The following PUDP variants were observed in gnomAD, a reference collection of about 807,000 sequenced individuals.
The protein encoded by PUDP is pseudouridine 5'-phosphatase, also known as pseudouridine-5'-phosphatase.
PUDP carries 8 observed loss-of-function variants against 9.4 expected under a neutral mutation model. The observed-to-expected ratio is 0.85, with a 90% CI of 0.50 to 1.53. The LOEUF (loss-of-function observed/expected upper bound fraction) is 1.53. Among genes scored for constraint, PUDP ranks in the 40% most tolerant of loss-of-function variants. The pLI, the probability that PUDP is intolerant of heterozygous loss-of-function variation, is 0.00. For synonymous variants in PUDP, 99 were observed against 80.7 expected (o/e 1.23, Z -1.22); for missense variants, 188 against 189.7 (o/e 0.99, Z 0.05).
chrX:7,058,418 A>G (rs1255193053), intron 3 of PUDP, among the ~76,000 whole-genome samples: 3 of 112,377 alleles, frequency 2.7e-5, no homozygotes, highest in Non-Finnish European at 5.6e-5. Flanking sequence ...TTCATCAATT[A>G]TAAAGCCATG....
At chrX:6,879,072 G>T (rs1927307642) in intron 3 of PUDP, among the ~76,000 whole-genome samples, 1 of 111,560 alleles carries the variant, frequency 9.0e-6, no homozygotes, top group South Asian at 3.8e-4. Flanking sequence ...TAGCCTCCTA[G>T]ATGGAAAAGA....
At chrX:6,953,798 G>A (rs1302879594) in intron 3 of PUDP, among the ~76,000 whole-genome samples, 2 of 111,386 alleles carry the variant, frequency 1.8e-5, no homozygotes, top group African/African-American at 6.5e-5. Flanking sequence ...CCTCCAGAAA[G>A]CTCTTGTTGA....
chrX:7,131,932 C>T (rs1008822070), intron 1 of PUDP, among the ~76,000 whole-genome samples: 19 of 109,823 alleles, frequency 1.7e-4, no homozygotes, highest in African/African-American at 5.3e-4. Flanking sequence ...CTCCCCAACC[C>T]TTCCGGTGGC....
At chrX:6,733,846 C>T (rs929628662) in intron 3 of PUDP, among the ~76,000 whole-genome samples, 2 of 87,395 alleles carry the variant, frequency 2.3e-5, no homozygotes, top group African/African-American at 8.7e-5. Context: ...GACAGGATCT[C>T]GACTCACTGC....
intron 1 of PUDP, among the ~76,000 whole-genome samples, chrX:7,138,946 A>G (rs1295018031): frequency 1.8e-5 from 2 of 110,819 alleles, no homozygotes; most frequent in African/African-American, 3.3e-5. Flanking sequence ...ACAACAACAA[A>G]AAACGACTCT....
At chrX:7,054,210 A>G (rs1930176904) in intron 3 of PUDP, among the ~76,000 whole-genome samples, 1 of 111,312 alleles carries the variant, frequency 9.0e-6, no homozygotes, top group African/African-American at 3.3e-5. Context: ...GGAGTTCCAG[A>G]CCAGCCTGGC....
intron 3 of PUDP, among the ~76,000 whole-genome samples, chrX:7,073,065 C>T (rs185466209): frequency 2.7e-5 from 3 of 111,070 alleles, no homozygotes; most frequent in Non-Finnish European, 1.9e-5. Context: ...CCTCTACCCA[C>T]TGGGTCTCTG....
intron 2 of PUDP, among the ~76,000 whole-genome samples, chrX:7,088,709 T>C (rs1931336868): frequency 8.9e-6 from 1 of 112,460 alleles, no homozygotes; most frequent in Non-Finnish European, 1.9e-5. Flanking sequence ...ACAATTTACA[T>C]ACAAATTGCC....
intron 1 of PUDP, among the ~76,000 whole-genome samples, chrX:7,014,918 A>T (rs1017838089): frequency 1.0e-3 from 112 of 111,693 alleles, no homozygotes; most frequent in African/African-American, 3.5e-3. Flanking sequence ...AACTAACATC[A>T]CTTTTTAATA....
At chrX:6,838,673 A>C (rs756781510) in intron 3 of PUDP, among the ~76,000 whole-genome samples, 28 of 112,317 alleles carry the variant, frequency 2.5e-4, no homozygotes, top group Middle Eastern at 4.6e-3. Context: ...TGGATGAATA[A>C]CATGAGCTGG....
At chrX:6,753,169 T>C (rs1925126308) in intron 3 of PUDP, among the ~76,000 whole-genome samples, 1 of 111,807 alleles carries the variant, frequency 8.9e-6, no homozygotes, top group Non-Finnish European at 1.9e-5. Context: ...TGTGTCATTC[T>C]TATGCCTTTG....
intron 1 of PUDP, among the ~76,000 whole-genome samples, chrX:7,017,773 G>A (rs1331010938): frequency 1.8e-5 from 2 of 112,040 alleles, no homozygotes; most frequent in Non-Finnish European, 3.8e-5. Flanking sequence ...TGTCAGAGGT[G>A]TTTGAACCAG....
At chrX:6,804,096 C>T (rs958945760) in intron 3 of PUDP, among the ~76,000 whole-genome samples, 3 of 111,278 alleles carry the variant, frequency 2.7e-5, no homozygotes, top group Non-Finnish European at 5.6e-5. Flanking sequence ...TCAAAGGCTC[C>T]AAAATTAATG....
chrX:7,065,053 CTTTT>C (rs1370856028), intron 3 of PUDP, among the ~76,000 whole-genome samples: 2 of 111,691 alleles, frequency 1.8e-5, no homozygotes, highest in African/African-American at 6.5e-5. Context: ...ATATCCCTTC[CTTTT>C]CAAACTAGGT....
chrX:6,896,889 A>T (rs529371491), intron 3 of PUDP, among the ~76,000 whole-genome samples: 3 of 111,374 alleles, frequency 2.7e-5, no homozygotes, highest in Admixed American at 9.6e-5. Flanking sequence ...GTTTTTTTAA[A>T]TTCTGAGTAG....
intron 3 of PUDP, among the ~76,000 whole-genome samples, chrX:6,908,727 T>A (rs763800936): frequency 2.7e-5 from 2 of 74,939 alleles, no homozygotes; most frequent in African/African-American, 1.3e-4. Context: ...GACTAAGCCT[T>A]AGCAGAACTG....
At position 7,017,959 on chromosome X, in the gene PUDP, A is replaced by C. The variant is rs182588418; in HGVS notation, c.205-39616T>G. 9.5e-4 allele frequency among the ~76,000 whole-genome samples: 106 copies of C among 111,861 alleles called. 2 individuals are homozygous for C. The highest frequency in any genetic ancestry group is 3.3e-3 in the African/African-American group (100 of 30,708). On this transcript the variant is annotated intron_variant and NMD_transcript_variant, in intron 1 of 3. Transcript: ENST00000655425. ...GCAGTAAAGAAGCTGGCTAAAACCCACCAAAACCAAGATGGCCACAAGAGT... is the reference window on the plus strand; with the variant it reads ...GCAGTAAAGAAGCTGGCTAAAACCCCCCAAAACCAAGATGGCCACAAGAGT...
In PUDP at chrX:6,961,539, G is replaced by A. The variant is rs974265073; in HGVS notation, c.*247+15594C>T. Among the ~76,000 whole-genome samples the A allele has an allele frequency of 4.5e-5, 5 of 111,737 alleles. No individual in the cohort carries two copies. The Admixed American group carries it at 4.8e-4, about 11-fold the overall frequency. On this transcript the variant is annotated intron_variant and NMD_transcript_variant, in intron 3 of 3. Coordinates refer to the PUDP transcript ENST00000655425. ...GTGCTAAACAACTGTTTCATGAAAA[G>A]ATGAACAAACCAGGTAATAAGCAAA...
Position 7,105,615 on chromosome X carries a change from C to T in PUDP, c.280+5G>A, listed in dbSNP as rs369715242. ...ATAACCCTGCAAACAGCGAGGCAACCGCACCTGGCATGAGCGCAGCCGTGG... is the reference window on the plus strand; with the variant it reads ...ATAACCCTGCAAACAGCGAGGCAACTGCACCTGGCATGAGCGCAGCCGTGG... On this transcript the variant is annotated splice_donor_5th_base_variant and intron_variant, in intron 2 of 3. Transcript: ENST00000381077. The T allele has an allele frequency of 4.5e-5, 53 of 1,184,957 alleles. No homozygotes were observed. The highest frequency in any genetic ancestry group is 5.7e-5 in the Non-Finnish European group (50 of 880,919).
Sources: gnomAD v4.1 joint callset for allele counts (sites outside exome capture counted in the v4.1 genomes callset) on GRCh38, gnomAD v4.1.1 for gene constraint, MANE v1.5 for transcripts, NCBI Gene and HGNC (gene_info 2026-07-23, HGNC 2026-07-21) for gene names.